Variants in CABIN1 observed in about 807,000 individuals in gnomAD.
CABIN1 encodes the protein calcineurin-binding protein cabin-1.
CABIN1 carries 133 observed loss-of-function variants against 227.7 expected under a neutral mutation model. That is an observed-to-expected ratio of 0.58 (90% confidence interval 0.51 to 0.67). The LOEUF (loss-of-function observed/expected upper bound fraction) is 0.67. Among genes scored for constraint, CABIN1 ranks in the 30% least tolerant of loss-of-function variants. The pLI is 0.00. For missense variants in CABIN1, 2,408 were observed against 2,852.5 expected (o/e 0.84, Z 3.55); for synonymous variants, 1,086 against 1,155.1 (o/e 0.94, Z 1.21).
At chr22:24,042,872 G>GTGTGTGTGTT (rs2037526763) in intron 5 of CABIN1, 32 bp from the exon 6 acceptor site, 6 of 1,371,630 alleles carry the variant, frequency 4.4e-6, no homozygotes, top group East Asian at 2.3e-5. Context: ...GTGTGTGTGT[G>GTGTGTGTGTT]TGTGTTTGCC....
At chr22:24,042,566 G>A (rs753944183) in intron 5 of CABIN1, among the ~76,000 whole-genome samples, 2 of 152,152 alleles carry the variant, frequency 1.3e-5, no homozygotes, top group African/African-American at 2.4e-5. Context: ...GGGCAGTAGA[G>A]TGAGACCCAG....
intron 29 of CABIN1, among the ~76,000 whole-genome samples, chr22:24,140,901 C>G (rs1007595199): frequency 6.6e-6 from 1 of 152,140 alleles, no homozygotes; most frequent in African/African-American, 2.4e-5. Context: ...GCCCCCAGGT[C>G]CCAAGATCAC....
Position 24,070,769 on chromosome 22 carries a change from G to A in CABIN1, c.2233-31G>A, listed in dbSNP as rs377030047. 18 of 1,613,798 alleles carry A rather than the reference G, an allele frequency of 1.1e-5. No homozygotes were observed. The Admixed American group carries it at 1.5e-4, about 13-fold the overall frequency. On this transcript the variant is annotated intron_variant, in intron 16 of 36. Transcript: ENST00000263119. ...TGGGCCCAGATGTGCTGAGCTCACC[G>A]TGCACTTCACCTGGCTTCTTGCTGT...
intron 33 of CABIN1, among the ~76,000 whole-genome samples, chr22:24,171,375 G>T (rs565108153): frequency 6.6e-6 from 1 of 152,210 alleles, no homozygotes; most frequent in Non-Finnish European, 1.5e-5. Flanking sequence ...CTAGGGTCCT[G>T]CAGGACATAA....
chr22:24,059,965 A>C lies in CABIN1; in HGVS notation c.1441A>C (p.Asn481His). ...TGAGTTCCTGCTGGAGAACCTAACC[A>C]ACGGGGGCATCCTGGAGCTGATGAT... is the stretch of plus-strand genomic sequence containing the variant. Reference protein sequence around the residue: ...VHEFLLENLTNGGILELMMRY... With the variant: ...VHEFLLENLTHGGILELMMRY... Residue 481 changes from asparagine to histidine, a missense_variant, in exon 12 of 37, where the codon AAC becomes CAC. Physicochemically the swap from Asn to His is moderately conservative, Grantham distance 68 (BLOSUM62 1). Around this residue, in one of 3 missense-constraint regions of CABIN1, gnomAD observed 1,045 missense variants for 1,168.4 expected, o/e 0.89. Coordinates refer to ENST00000263119, the MANE Select transcript of CABIN1 (RefSeq NM_012295.4). 1 of 1,614,230 alleles carries C rather than the reference A, an allele frequency of 6.2e-7. No homozygotes were observed. Among genetic ancestry groups the C allele is most frequent in the Non-Finnish European group, 8.5e-7 (1 of 1,180,038 alleles).
intron 29 of CABIN1, among the ~76,000 whole-genome samples, chr22:24,152,449 A>G (rs2045540011): frequency 1.3e-5 from 2 of 152,214 alleles, no homozygotes; most frequent in African/African-American, 4.8e-5. Flanking sequence ...AAACTGGCTG[A>G]CTCGGAACTG....
intron 23 of CABIN1, among the ~76,000 whole-genome samples, chr22:24,088,543 G>A (rs2041328784): frequency 6.6e-6 from 1 of 152,082 alleles, no homozygotes. Context: ...GAGAGGCAGA[G>A]GTTGCAGGGA....
intron 1 of CABIN1, among the ~76,000 whole-genome samples, chr22:24,033,861 C>T (rs968445402): frequency 1.7e-4 from 26 of 152,152 alleles, no homozygotes; most frequent in African/African-American, 5.8e-4. Context: ...AGTTTTAGAA[C>T]ATTTTTGTCA....
intron 26 of CABIN1, among the ~76,000 whole-genome samples, chr22:24,102,799 C>G (rs928840994): frequency 2.6e-5 from 4 of 152,102 alleles, no homozygotes; most frequent in African/African-American, 4.8e-5. Context: ...TGACAGCATG[C>G]ACAGAGCCGC....
chr22:24,154,675 G>A (rs980378314), intron 29 of CABIN1, among the ~76,000 whole-genome samples: 6 of 152,204 alleles, frequency 3.9e-5, no homozygotes, highest in African/African-American at 1.2e-4. Context: ...AGTATCCCTC[G>A]AGGAGATCCT....
Position 24,085,113 on chromosome 22 carries a change from C to G in CABIN1, c.3225C>G (p.Ile1075Met). 6.2e-7 allele frequency: 1 copy of G among 1,614,206 alleles called. No individual in the cohort carries two copies. Among genetic ancestry groups the G allele is most frequent in the Non-Finnish European group, 8.5e-7 (1 of 1,180,040 alleles). ...HFKNKEQSKA[I>M]KFYMHDICIC... The stretch of plus-strand genomic sequence containing the variant: ...AAAACAAGGAGCAGTCCAAGGCCAT[C>G]AAGTTCTACATGCATGACATCTGCA... Residue 1075 changes from isoleucine (I) to methionine (M), a missense_variant, in exon 22 of 37, where the codon ATC (isoleucine) becomes ATG (methionine). By Grantham distance (10) the Ile-to-Met change is conservative. Around this residue, in one of 3 missense-constraint regions of CABIN1, gnomAD observed 649 missense variants for 910.3 expected, o/e 0.71. Transcript: ENST00000263119.
At chr22:24,083,751 G>T (rs915856941) in intron 20 of CABIN1, among the ~76,000 whole-genome samples, 11 of 152,036 alleles carry the variant, frequency 7.2e-5, no homozygotes, top group African/African-American at 2.7e-4. Flanking sequence ...GCAGAGCAAG[G>T]CCCCATCTCT....
chr22:24,042,846 G>GTGTGTGTGTA, intron 5 of CABIN1, 58 bp from the exon 6 acceptor site: 1 of 807,638 alleles, frequency 1.2e-6, no homozygotes. Flanking sequence ...GTGTGTGTGT[G>GTGTGTGTGTA]TGTGTGTGTG....
chr22:24,086,826 G>T (rs1261255072), intron 22 of CABIN1, among the ~76,000 whole-genome samples: 1 of 152,098 alleles, frequency 6.6e-6, no homozygotes, highest in Non-Finnish European at 1.5e-5. Context: ...CCATCATGTG[G>T]TCCCTCACTT....
chr22:24,020,348 G>A (rs534220830), intron 1 of CABIN1, among the ~76,000 whole-genome samples: 2 of 151,906 alleles, frequency 1.3e-5, no homozygotes, highest in South Asian at 4.2e-4. Flanking sequence ...TTGATACGGG[G>A]TCTCACTTTG....
intron 1 of CABIN1, among the ~76,000 whole-genome samples, chr22:24,021,612 T>C (rs2146584811): frequency 6.6e-6 from 1 of 152,282 alleles, no homozygotes; most frequent in Non-Finnish European, 1.5e-5. Context: ...TGATCTGTCT[T>C]GTTTTGAGAT....
rs182154899 is a variant in CABIN1, at chr22:24,133,503, A to G, written c.4633-799A>G. 1.8e-4 allele frequency among the ~76,000 whole-genome samples: 28 copies of G among 152,240 alleles called. No homozygotes were observed. The East Asian group carries it at 5.0e-3, about 27-fold the overall frequency. On this transcript the variant is annotated intron_variant, in intron 28 of 36. Transcript: ENST00000263119. ...GAGCAAGGGACCTGAGCGGGAGGGGAGGACAGATTGGCTGGGACAGTGGGT... is the reference window on the plus strand; with the variant it reads ...GAGCAAGGGACCTGAGCGGGAGGGGGGGACAGATTGGCTGGGACAGTGGGT...
chr22:24,144,471 G>C (rs1188979278), intron 29 of CABIN1, among the ~76,000 whole-genome samples: 1 of 152,234 alleles, frequency 6.6e-6, no homozygotes, highest in East Asian at 1.9e-4. Context: ...CTCTCAAGGG[G>C]TGCCCAGGTC....
At chr22:24,046,865 T>C (rs2147215878) in intron 6 of CABIN1, among the ~76,000 whole-genome samples, 1 of 152,000 alleles carries the variant, frequency 6.6e-6, no homozygotes, top group East Asian at 1.9e-4. Context: ...CAGGAAGAGC[T>C]GATGTCTTGG....
Sources: allele counts gnomAD v4.1 joint callset (sites outside exome capture counted in the v4.1 genomes callset), GRCh38; gene constraint gnomAD v4.1.1; regional missense constraint gnomAD v4.1.1; transcripts MANE v1.5; gene names NCBI Gene and HGNC (gene_info 2026-07-23, HGNC 2026-07-21).